The following WDFY4 variants were observed in gnomAD, a reference collection of about 807,000 sequenced individuals.
WDFY4 encodes WDFY family member 4.
WDFY4 carries 169 observed loss-of-function variants against 351.9 expected under a neutral mutation model. The observed-to-expected ratio is 0.48, with a 90% CI of 0.42 to 0.55. WDFY4 has a LOEUF of 0.55. Ranked by LOEUF, WDFY4 falls within the 20% of genes least tolerant of loss-of-function variation. The pLI is 0.00. For missense variants in WDFY4, 3,803 were observed against 3,935.6 expected (o/e 0.97, Z 0.90); for synonymous variants, 1,622 against 1,574.6 (o/e 1.03, Z -0.71).
intron 6 of WDFY4, 89 bp downstream of exon 6, chr10:48,726,159 A>C: frequency 7.1e-7 from 1 of 1,410,492 alleles, no homozygotes; most frequent in South Asian, 1.4e-5. Context: ...ACTTTCTACA[A>C]TGAGACTTGG....
chr10:48,838,441 C>T (rs2068481403), intron 39 of WDFY4, among the ~76,000 whole-genome samples: 1 of 152,072 alleles, frequency 6.6e-6, no homozygotes, highest in African/African-American at 2.4e-5. Context: ...CAGCAGAGGA[C>T]AAGATGCTGA....
intron 2 of WDFY4, among the ~76,000 whole-genome samples, chr10:48,717,520 C>T (rs1320399708): frequency 6.6e-6 from 1 of 152,180 alleles, no homozygotes; most frequent in Non-Finnish European, 1.5e-5. Flanking sequence ...AGCTCATTCC[C>T]CTCCCTTTTC....
At chr10:48,741,265 T>A (rs535622014) in intron 11 of WDFY4, among the ~76,000 whole-genome samples, 83 of 152,202 alleles carry the variant, frequency 5.5e-4, no homozygotes, top group Non-Finnish European at 9.4e-4. Context: ...TCCCAGTGGT[T>A]GGAACACACA....
intron 32 of WDFY4, among the ~76,000 whole-genome samples, chr10:48,819,458 C>T (rs956947878): frequency 6.6e-5 from 10 of 152,176 alleles, no homozygotes; most frequent in East Asian, 1.9e-4. Flanking sequence ...TAAGAACGGC[C>T]GCATTAATTT....
intron 13 of WDFY4, among the ~76,000 whole-genome samples, chr10:48,766,824 G>A (rs780843070): frequency 5.9e-5 from 9 of 152,124 alleles, no homozygotes; most frequent in Non-Finnish European, 8.8e-5. Context: ...GATTTGGCCT[G>A]GATCACAGAG....
chr10:48,713,125 C>T (rs2063809934), intron 2 of WDFY4, among the ~76,000 whole-genome samples: 1 of 152,200 alleles, frequency 6.6e-6, no homozygotes, highest in Admixed American at 6.5e-5. Context: ...GGGGTCTTGT[C>T]TGACTGACCC....
rs192063199 is a variant in WDFY4 at position 48,921,393 on chromosome 10, G to A, written c.7586+19530G>A. 1.4e-3 allele frequency among the ~76,000 whole-genome samples: 220 copies of A among 152,206 alleles called. 1 individual carries two copies. Among genetic ancestry groups the A allele is most frequent in the African/African-American group, 5.0e-3 (207 of 41,542 alleles). On this transcript the variant is annotated intron_variant, in intron 47 of 61. Coordinates refer to ENST00000325239, the MANE Select transcript of WDFY4 (RefSeq NM_001394531.1). ...AGAGAAAATGAACTCTTTAACAAAC[G>A]ATGTTGAAATTGGTTATTTATATGC...
intron 1 of WDFY4, among the ~76,000 whole-genome samples, chr10:48,701,216 A>C (rs188964200): frequency 6.2e-4 from 94 of 152,282 alleles, no homozygotes; most frequent in African/African-American, 2.2e-3. Flanking sequence ...CACTTTGTAT[A>C]ATTCTCTCAG....
intron 12 of WDFY4, among the ~76,000 whole-genome samples, chr10:48,748,280 A>G (rs929931185): frequency 6.6e-6 from 1 of 152,230 alleles, no homozygotes; most frequent in Non-Finnish European, 1.5e-5. Context: ...TGAGCACTAA[A>G]CATCTATTTA....
chr10:48,829,675 G>C (rs2663051), intron 37 of WDFY4, among the ~76,000 whole-genome samples: 96,853 of 151,974 alleles, frequency 0.64, 32,815 homozygotes, highest in African/African-American at 0.87. Flanking sequence ...CATGCTGAAA[G>C]CCTGTCACTA....
intron 10 of WDFY4, among the ~76,000 whole-genome samples, chr10:48,735,263 G>A (rs2064617571): frequency 6.6e-6 from 1 of 152,146 alleles, no homozygotes; most frequent in South Asian, 2.1e-4. Flanking sequence ...GGGAAAAAAT[G>A]CTTGGAATTA....
At chr10:48,933,015 T>C (rs1401586342) in intron 47 of WDFY4, among the ~76,000 whole-genome samples, 1 of 151,922 alleles carries the variant, frequency 6.6e-6, no homozygotes, top group African/African-American at 2.4e-5. Context: ...AGGATAACGC[T>C]GGCCGTGGGG....
chr10:48,824,387 A>G (rs2067927460), intron 35 of WDFY4, among the ~76,000 whole-genome samples: 1 of 152,230 alleles, frequency 6.6e-6, no homozygotes, highest in African/African-American at 2.4e-5. Flanking sequence ...AACCATTAAT[A>G]ATGACACATA....
intron 47 of WDFY4, among the ~76,000 whole-genome samples, chr10:48,914,688 G>A (rs950324897): frequency 6.6e-6 from 1 of 152,166 alleles, no homozygotes; most frequent in African/African-American, 2.4e-5. Context: ...TAGAGAATAA[G>A]GTGGGTACTA....
chr10:48,801,663 G>A (rs572282805), intron 24 of WDFY4, among the ~76,000 whole-genome samples: 13 of 152,062 alleles, frequency 8.5e-5, no homozygotes, highest in Admixed American at 4.6e-4. Context: ...TTTTCCTGGC[G>A]GAAGAACAAT....
At chr10:48,713,399 C>A (rs564366476) in intron 2 of WDFY4, among the ~76,000 whole-genome samples, 1 of 152,254 alleles carries the variant, frequency 6.6e-6, no homozygotes, top group Non-Finnish European at 1.5e-5. Flanking sequence ...CCTTCAAACA[C>A]GAGCACTGAA....
chr10:48,704,311 G>A (rs920104005), intron 1 of WDFY4, among the ~76,000 whole-genome samples: 4 of 152,106 alleles, frequency 2.6e-5, no homozygotes, highest in Admixed American at 2.0e-4. Flanking sequence ...CCTCTGCCTC[G>A]TGGCTGTGTG....
chr10:48,942,848 A>G (rs147629601), intron 48 of WDFY4, among the ~76,000 whole-genome samples: 4 of 152,228 alleles, frequency 2.6e-5, no homozygotes, highest in Non-Finnish European at 4.4e-5. Flanking sequence ...AGTGAGCATC[A>G]CCCCAACAGG....
At chr10:48,708,686 C>T (rs781465188) in intron 1 of WDFY4, among the ~76,000 whole-genome samples, 9 of 152,142 alleles carry the variant, frequency 5.9e-5, no homozygotes, top group Admixed American at 3.3e-4. Context: ...CTGTTTTCAT[C>T]GCATAAGTTT....
Sources: allele counts gnomAD v4.1 joint callset (sites outside exome capture counted in the v4.1 genomes callset), GRCh38; gene constraint gnomAD v4.1.1; transcripts MANE v1.5; gene names NCBI Gene and HGNC (gene_info 2026-07-23, HGNC 2026-07-21).